Variants in MCTP1 observed in about 807,000 individuals in gnomAD.
The protein encoded by MCTP1 is multiple C2 and transmembrane domain containing 1.
A neutral mutation model predicts 120.6 loss-of-function variants in MCTP1; 69 were observed. That is an observed-to-expected ratio of 0.57 (90% CI 0.47 to 0.70). MCTP1 has a LOEUF of 0.70. MCTP1 is among the 30% of genes least tolerant of loss of function. The pLI, the probability that MCTP1 is intolerant of heterozygous loss-of-function variation, is 0.00. For missense variants in MCTP1, 1,203 were observed against 1,248.8 expected, an observed-to-expected ratio of 0.96 and a Z score of 0.55; for synonymous variants, 529 against 493.1, an observed-to-expected ratio of 1.07 and a Z score of -0.96.
chr5:95,018,798 A>G (rs1837635325), intron 1 of MCTP1, among the ~76,000 whole-genome samples: 1 of 151,966 alleles, frequency 6.6e-6, no homozygotes, highest in African/African-American at 2.4e-5. Flanking sequence ...ACATCTCCCA[A>G]TTGTCTTTTT....
rs549767220 is a variant in MCTP1 at position 95,090,486 on chromosome 5, A to G, written c.721-73002T>C. 2.0e-5 allele frequency among the ~76,000 whole-genome samples: 3 copies of G among 152,152 alleles called. No individual in the cohort carries two copies. The South Asian group carries it at 6.2e-4, about 32-fold the overall frequency. On this transcript the variant is annotated intron_variant, in intron 1 of 22. Transcript: ENST00000515393. The stretch of plus-strand genomic sequence containing the variant: ...TCCTCGGTCCTTGGCTTTTTTTGCT[A>G]GAGAGAAGAGGTCCCAGACTTCACA...
chr5:94,800,498 T>G (rs1780996402), intron 17 of MCTP1, among the ~76,000 whole-genome samples: 1 of 152,186 alleles, frequency 6.6e-6, no homozygotes, highest in South Asian at 2.1e-4. Flanking sequence ...ACAGCCTATT[T>G]AAATGGCAGA....
rs115676203 is a variant in MCTP1, at chr5:95,252,758, A to G, written c.720+31098T>C. Among the ~76,000 whole-genome samples the G allele has an allele frequency of 7.6e-3, 1,156 of 151,982 alleles. 6 individuals carry two copies. Among genetic ancestry groups the G allele is most frequent in the South Asian group, 0.019 (93 of 4,812 alleles). Reference sequence around the variant, plus strand: ...CATTCCTATTTTCCCTAATTTTCCTATTAAGAATGTGTAGAGTCATATTCT... The same window carrying G: ...CATTCCTATTTTCCCTAATTTTCCTGTTAAGAATGTGTAGAGTCATATTCT... On this transcript the variant is annotated intron_variant, in intron 1 of 22. Coordinates refer to ENST00000515393, the MANE Select transcript of MCTP1 (RefSeq NM_024717.7).
intron 1 of MCTP1, among the ~76,000 whole-genome samples, chr5:95,225,335 T>C (rs1367447180): frequency 6.6e-6 from 1 of 152,186 alleles, no homozygotes; most frequent in East Asian, 1.9e-4. Context: ...GCCTCAGAGA[T>C]GTTAGAATAA....
chr5:94,833,961 G>C (rs1434641534), intron 17 of MCTP1, among the ~76,000 whole-genome samples: 4 of 152,152 alleles, frequency 2.6e-5, no homozygotes, highest in Admixed American at 1.3e-4. Flanking sequence ...AATTTGAAAG[G>C]CATCAATACT....
chr5:95,276,251 AT>A (rs34667866), intron 1 of MCTP1, among the ~76,000 whole-genome samples: 3,163 of 84,580 alleles, frequency 0.037, 37 homozygotes, highest in African/African-American at 0.078. Context: ...CAATATTGGG[AT>A]TTTTTTTTTT....
At chr5:95,225,489 T>C (rs941854890) in intron 1 of MCTP1, among the ~76,000 whole-genome samples, 17 of 152,320 alleles carry the variant, frequency 1.1e-4, no homozygotes, top group African/African-American at 3.8e-4. Context: ...CTAACAAATA[T>C]GCATACCCTT....
At chr5:95,085,599 T>C (rs919904478) in intron 1 of MCTP1, among the ~76,000 whole-genome samples, 2 of 152,028 alleles carry the variant, frequency 1.3e-5, no homozygotes, top group Non-Finnish European at 2.9e-5. Flanking sequence ...TGTTTAAAGA[T>C]GAATACCTAG....
At chr5:95,098,517 C>A (rs1361420219) in intron 1 of MCTP1, among the ~76,000 whole-genome samples, 1 of 152,050 alleles carries the variant, frequency 6.6e-6, no homozygotes, top group Non-Finnish European at 1.5e-5. Flanking sequence ...AACTCCCATT[C>A]ACAATTGCTT....
intron 1 of MCTP1, among the ~76,000 whole-genome samples, chr5:95,187,985 T>C (rs1256242289): frequency 1.3e-5 from 2 of 152,128 alleles, no homozygotes; most frequent in Non-Finnish European, 2.9e-5. Flanking sequence ...ATGTACCCCA[T>C]AGATATATAC....
chr5:94,715,044 A>C (rs1339370138), intron 19 of MCTP1, among the ~76,000 whole-genome samples, 158 bp from the exon 20 acceptor site: 1 of 152,122 alleles, frequency 6.6e-6, no homozygotes, highest in East Asian at 1.9e-4. Context: ...ATCAGGATTT[A>C]AAGGAAGATG....
intron 1 of MCTP1, among the ~76,000 whole-genome samples, chr5:95,274,524 C>T (rs1334203857): frequency 6.6e-6 from 1 of 152,224 alleles, no homozygotes; most frequent in African/African-American, 2.4e-5. Flanking sequence ...ACCTCTCCCT[C>T]TCCATAGGCT....
intron 3 of MCTP1, among the ~76,000 whole-genome samples, chr5:94,947,954 C>T (rs1480892445): frequency 6.6e-6 from 1 of 151,890 alleles, no homozygotes; most frequent in African/African-American, 2.4e-5. Flanking sequence ...AAAGGCCTAA[C>T]CCATCTCATG....
At chr5:95,116,010 T>C (rs1165010732) in intron 1 of MCTP1, among the ~76,000 whole-genome samples, 2 of 151,988 alleles carry the variant, frequency 1.3e-5, no homozygotes, top group African/African-American at 2.4e-5. Flanking sequence ...AAAAAAACTT[T>C]TACTCCAGAA....
chr5:94,886,097 G>C (rs1361254427), intron 12 of MCTP1, among the ~76,000 whole-genome samples: 2 of 152,182 alleles, frequency 1.3e-5, no homozygotes, highest in African/African-American at 4.8e-5. Context: ...CTTAACTGAA[G>C]TGACCTACTG....
chr5:95,114,497 G>A (rs552084945), intron 1 of MCTP1, among the ~76,000 whole-genome samples: 2 of 152,306 alleles, frequency 1.3e-5, no homozygotes, highest in East Asian at 3.9e-4. Context: ...CCTTAAGAGA[G>A]CATGGCAGTA....
intron 21 of MCTP1, 46 bp downstream of exon 21, chr5:94,710,772 C>G: frequency 7.9e-7 from 1 of 1,264,364 alleles, no homozygotes; most frequent in East Asian, 2.3e-5. Context: ...ATAGTTTGTT[C>G]TTAGCAGCTA....
intron 6 of MCTP1, among the ~76,000 whole-genome samples, chr5:94,927,902 T>C (rs1263238433): frequency 6.6e-6 from 1 of 152,100 alleles, no homozygotes; most frequent in African/African-American, 2.4e-5. Context: ...ATTAAAATTA[T>C]GCTAAGTGGT....
chr5:94,783,163 A>T (rs1580667145), intron 18 of MCTP1, among the ~76,000 whole-genome samples: 1 of 152,176 alleles, frequency 6.6e-6, no homozygotes, highest in Admixed American at 6.6e-5. Flanking sequence ...TAAAGATGAC[A>T]TTTAAAAAAA....
Sources: allele counts gnomAD v4.1 joint callset (sites outside exome capture counted in the v4.1 genomes callset), GRCh38; gene constraint gnomAD v4.1.1; transcripts MANE v1.5; gene names NCBI Gene and HGNC (gene_info 2026-07-23, HGNC 2026-07-21).